CNTNAP2: variants seen among roughly 807,000 people sequenced by gnomAD.
CNTNAP2 encodes the protein contactin-associated protein-like 2.
A neutral mutation model predicts 155.2 loss-of-function variants in CNTNAP2; 98 were observed. The ratio of observed to expected loss-of-function variants is 0.63; its 90% confidence interval spans 0.54 to 0.75. The LOEUF (loss-of-function observed/expected upper bound fraction) is 0.75. CNTNAP2 is among the 30% of genes least tolerant of loss of function. The pLI, the probability that CNTNAP2 is intolerant of heterozygous loss-of-function variation, is 0.00. For missense variants in CNTNAP2, 1,727 were observed against 1,688.1 expected, an observed-to-expected ratio of 1.02 and a Z score of -0.40; for synonymous variants, 651 against 631.2, an observed-to-expected ratio of 1.03 and a Z score of -0.47.
chr7:147,651,446 A>C (rs1330361323), intron 13 of CNTNAP2, among the ~76,000 whole-genome samples: 1 of 152,264 alleles, frequency 6.6e-6, no homozygotes, highest in Non-Finnish European at 1.5e-5. Flanking sequence ...CTAAGTTGAC[A>C]GATAAAACCG....
At chr7:146,787,523 C>T (rs1399907928) in intron 2 of CNTNAP2, among the ~76,000 whole-genome samples, 1 of 152,158 alleles carries the variant, frequency 6.6e-6, no homozygotes, top group Non-Finnish European at 1.5e-5. Context: ...GGTTCGTGGT[C>T]TCCCTGGCCT....
chr7:146,536,502 A>T (rs1393463881), intron 1 of CNTNAP2, among the ~76,000 whole-genome samples: 1 of 151,926 alleles, frequency 6.6e-6, no homozygotes, highest in East Asian at 1.9e-4. Context: ...GCAATAAGAG[A>T]CACAGAGAAG....
At chr7:147,107,335 T>C (rs1387240959) in intron 4 of CNTNAP2, among the ~76,000 whole-genome samples, 4 of 152,172 alleles carry the variant, frequency 2.6e-5, no homozygotes, top group Non-Finnish European at 5.9e-5. Context: ...CACATATTTC[T>C]GATCATATTT....
chr7:146,750,144 C>G (rs1390384206), intron 1 of CNTNAP2, among the ~76,000 whole-genome samples: 1 of 152,152 alleles, frequency 6.6e-6, no homozygotes, highest in Non-Finnish European at 1.5e-5. Flanking sequence ...CTGGCCCAAA[C>G]AAGCCAAATT....
intron 9 of CNTNAP2, among the ~76,000 whole-genome samples, chr7:147,321,440 C>A (rs2692147): frequency 1.4e-5 from 2 of 143,774 alleles, no homozygotes; most frequent in East Asian, 3.9e-4. Flanking sequence ...TTATTTTTTT[C>A]ATTTTTATTT....
intron 15 of CNTNAP2, among the ~76,000 whole-genome samples, chr7:148,046,539 G>A (rs940345922): frequency 7.2e-5 from 11 of 151,934 alleles, no homozygotes; most frequent in East Asian, 1.9e-4. Flanking sequence ...TCTGTTTTCC[G>A]AGTTAGACTT....
At chr7:147,010,800 C>T (rs939017946) in intron 3 of CNTNAP2, among the ~76,000 whole-genome samples, 6 of 152,006 alleles carry the variant, frequency 3.9e-5, no homozygotes, top group Middle Eastern at 3.2e-3. Flanking sequence ...ATCAATGCTG[C>T]TAAGAAATAT....
At chr7:146,561,521 T>A (rs551767925) in intron 1 of CNTNAP2, among the ~76,000 whole-genome samples, 7 of 151,934 alleles carry the variant, frequency 4.6e-5, no homozygotes, top group Non-Finnish European at 1.0e-4. Flanking sequence ...TAGCAGGGCG[T>A]GGTGGCACAC....
intron 1 of CNTNAP2, among the ~76,000 whole-genome samples, chr7:146,212,238 G>C (rs1799045553): frequency 6.6e-6 from 1 of 152,128 alleles, no homozygotes; most frequent in Non-Finnish European, 1.5e-5. Flanking sequence ...GGTTTGGCCT[G>C]AAGTACATTA....
intron 1 of CNTNAP2, among the ~76,000 whole-genome samples, chr7:146,588,211 T>C (rs1798726111): frequency 6.6e-6 from 1 of 152,108 alleles, no homozygotes; most frequent in Non-Finnish European, 1.5e-5. Context: ...TGATTAAGGA[T>C]GAGGTTAAGT....
chr7:146,442,383 GAT>G (rs1796332143), intron 1 of CNTNAP2, among the ~76,000 whole-genome samples: 2 of 147,170 alleles, frequency 1.4e-5, no homozygotes, highest in Admixed American at 1.3e-4. Flanking sequence ...TTAGTGGTGA[GAT>G]AGGTACAAAT....
chr7:146,840,539 A>G (rs55793106), intron 3 of CNTNAP2, among the ~76,000 whole-genome samples: 5,200 of 152,202 alleles, frequency 0.034, 298 homozygotes, highest in African/African-American at 0.12. Flanking sequence ...AATTATTTTA[A>G]AAAGCAGGCA....
rs771023311 is a variant in CNTNAP2 at position 148,409,397 on chromosome 7, C to T, written c.3722C>T (p.Ala1241Val). Residue 1241 changes from alanine to valine, a missense_variant, in exon 23 of 24, where the codon GCG becomes GTG. By Grantham distance (64) the Ala-to-Val change is moderately conservative (BLOSUM62 0). Transcript: ENST00000361727. ...WHLDHLDSAS[A>V]DFPYNPGQGQ... ...ACTCTTTCTTTCTCTACAGCCAGTGCGGATTTTCCATATAATCCAGGACAA... is the reference window on the plus strand; with the variant it reads ...ACTCTTTCTTTCTCTACAGCCAGTGTGGATTTTCCATATAATCCAGGACAA... The T allele has an allele frequency of 1.9e-6, 3 of 1,602,664 alleles. No homozygotes were observed. Among genetic ancestry groups the T allele is most frequent in the East Asian group, 2.2e-5 (1 of 44,708 alleles).
chr7:148,359,616 T>C (rs1048823893), intron 21 of CNTNAP2, among the ~76,000 whole-genome samples: 8 of 152,182 alleles, frequency 5.3e-5, no homozygotes, highest in African/African-American at 1.9e-4. Flanking sequence ...TTAAGAAAAA[T>C]GTCTTCTTTT....
intron 1 of CNTNAP2, among the ~76,000 whole-genome samples, chr7:146,183,047 A>G (rs551856944): frequency 1.3e-5 from 2 of 152,226 alleles, no homozygotes; most frequent in Non-Finnish European, 2.9e-5. Flanking sequence ...AATCACAGTT[A>G]TCCTATAAAT....
chr7:148,061,610 C>A (rs911788739), intron 15 of CNTNAP2, among the ~76,000 whole-genome samples: 1 of 151,926 alleles, frequency 6.6e-6, no homozygotes, highest in Non-Finnish European at 1.5e-5. Flanking sequence ...CTGCCTCGCC[C>A]TCCCAAAATA....
intron 9 of CNTNAP2, among the ~76,000 whole-genome samples, chr7:147,392,792 A>G (rs753252355): frequency 2.6e-5 from 4 of 152,058 alleles, no homozygotes; most frequent in Non-Finnish European, 4.4e-5. Context: ...AACCAGCTCA[A>G]ATGCTCATCA....
intron 11 of CNTNAP2, among the ~76,000 whole-genome samples, chr7:147,555,763 A>G (rs532764966): frequency 6.6e-6 from 1 of 152,344 alleles, no homozygotes; most frequent in South Asian, 2.1e-4. Flanking sequence ...GGAAGGATGT[A>G]TATTTCAAGT....
At chr7:147,618,371 T>G (rs1323233860) in intron 12 of CNTNAP2, among the ~76,000 whole-genome samples, 1 of 152,144 alleles carries the variant, frequency 6.6e-6, no homozygotes, top group Non-Finnish European at 1.5e-5. Context: ...AAGTTCATAA[T>G]ATTCCTTTTG....
Sources: allele counts gnomAD v4.1 joint callset (sites outside exome capture counted in the v4.1 genomes callset), GRCh38; gene constraint gnomAD v4.1.1; transcripts MANE v1.5; gene names NCBI Gene and HGNC (gene_info 2026-07-23, HGNC 2026-07-21).